ODAD2: variants seen among roughly 807,000 people sequenced by gnomAD.
ODAD2 encodes the protein outer dynein arm-docking complex subunit 2.
In ODAD2, 89 loss-of-function variants were observed where a neutral mutation model predicts 106.8. That is an observed-to-expected ratio of 0.83 (90% confidence interval 0.70 to 0.99). The LOEUF is 0.99. Among genes scored for constraint, ODAD2 ranks in the 50% least tolerant of loss-of-function variants. ODAD2 has a pLI of 0.00. For missense variants in ODAD2, 1,168 were observed against 1,238.5 expected, an observed-to-expected ratio of 0.94 and a Z score of 0.85; for synonymous variants, 404 against 436.2, an observed-to-expected ratio of 0.93 and a Z score of 0.92.
chr10:27,965,231 G>A (rs1243078646), intron 9 of ODAD2, among the ~76,000 whole-genome samples: 3 of 152,178 alleles, frequency 2.0e-5, no homozygotes, highest in African/African-American at 4.8e-5. Flanking sequence ...AGGAAAGGAG[G>A]TCTAATCTGA....
At chr10:27,984,994 A>T in intron 4 of ODAD2, 25 bp downstream of exon 4, 1 of 1,587,130 alleles carries the variant, frequency 6.3e-7, no homozygotes, top group African/African-American at 1.3e-5. Context: ...AATACAATAG[A>T]GGTTCCTTTT....
chr10:27,862,086 C>T (rs1305009984), intron 18 of ODAD2, among the ~76,000 whole-genome samples: 4 of 152,264 alleles, frequency 2.6e-5, no homozygotes, highest in East Asian at 1.9e-4. Flanking sequence ...TGATTTCTAA[C>T]GTTGGCATGA....
intron 16 of ODAD2, among the ~76,000 whole-genome samples, chr10:27,933,182 T>C (rs61049661): frequency 0.16 from 24,375 of 152,078 alleles, 2,960 homozygotes; most frequent in African/African-American, 0.34. Flanking sequence ...CCCATGAGTT[T>C]GAAGTTGCAG....
chr10:27,818,986 C>A (rs572189760), intron 19 of ODAD2, among the ~76,000 whole-genome samples: 4 of 152,284 alleles, frequency 2.6e-5, no homozygotes, highest in African/African-American at 9.6e-5. Flanking sequence ...CTTAACCCAA[C>A]CTTCTCATAT....
At chr10:27,848,943 C>T (rs1403058521) in intron 19 of ODAD2, among the ~76,000 whole-genome samples, 1 of 152,212 alleles carries the variant, frequency 6.6e-6, no homozygotes, top group Non-Finnish European at 1.5e-5. Flanking sequence ...AACACTTTTA[C>T]ACTGTTAGTG....
rs114439322 is a variant in ODAD2, at chr10:27,917,617, C to A, written c.2496-9840G>T. ...AAAGGTGAATAAAAATGGTAAACCA[C>A]TAAAGAAAGGTTGACAAACTTTTTC... On this transcript the variant is annotated intron_variant, in intron 16 of 19. Transcript: ENST00000305242. Among the ~76,000 whole-genome samples the A allele has an allele frequency of 5.7e-3, 861 of 151,990 alleles. 7 individuals carry two copies. Among genetic ancestry groups the A allele is most frequent in the African/African-American group, 0.02 (817 of 41,500 alleles).
At chr10:27,878,189 C>T (rs1841473059) in intron 17 of ODAD2, among the ~76,000 whole-genome samples, 1 of 152,014 alleles carries the variant, frequency 6.6e-6, no homozygotes, top group South Asian at 2.1e-4. Context: ...TATGAAATGC[C>T]TTTATAATGG....
At chr10:27,965,359 A>G (rs998483768) in intron 9 of ODAD2, among the ~76,000 whole-genome samples, 6 of 152,218 alleles carry the variant, frequency 3.9e-5, no homozygotes, top group African/African-American at 1.4e-4. Context: ...TGTCACTGAA[A>G]AGTTTCAATA....
intron 19 of ODAD2, among the ~76,000 whole-genome samples, chr10:27,817,337 T>G (rs1836218086): frequency 6.6e-6 from 1 of 152,220 alleles, no homozygotes; most frequent in African/African-American, 2.4e-5. Flanking sequence ...GTATAGACAG[T>G]TAAAATTCTT....
intron 19 of ODAD2, among the ~76,000 whole-genome samples, chr10:27,838,563 G>A (rs185550842): frequency 6.6e-6 from 1 of 152,228 alleles, no homozygotes; most frequent in East Asian, 1.9e-4. Context: ...TAGCAAAAGG[G>A]CCAAGTCGGA....
chr10:27,824,138 CAAAAAAAAAAAAA>C (rs71388934), intron 19 of ODAD2, among the ~76,000 whole-genome samples: 2 of 33,128 alleles, frequency 6.0e-5, no homozygotes, highest in African/African-American at 1.3e-4. Flanking sequence ...GACTCCGTCT[CAAAAAAAAAAAAA>C]AAAAAAAAAA....
At position 27,818,684 on chromosome 10, in the gene ODAD2, C is replaced by T. The variant is rs138901901; in HGVS notation, c.3022-6059G>A. On this transcript the variant is annotated intron_variant, in intron 19 of 19. Coordinates refer to ENST00000305242, the MANE Select transcript of ODAD2 (RefSeq NM_018076.5). ...TAGGAGGAGAATAGATTGCTAGCTA[C>T]AGCAACTCCACCTAATATCTACCTC... 6.0e-4 allele frequency among the ~76,000 whole-genome samples: 92 copies of T among 152,334 alleles called. 1 individual carries two copies. The highest frequency in any genetic ancestry group is 2.0e-3 in the African/African-American group (85 of 41,574).
At chr10:27,963,259 G>A (rs1460149586) in intron 9 of ODAD2, among the ~76,000 whole-genome samples, 4 of 151,970 alleles carry the variant, frequency 2.6e-5, no homozygotes, top group African/African-American at 7.2e-5. Flanking sequence ...CTCCCGTCTC[G>A]GCCTCCCAAA....
intron 16 of ODAD2, among the ~76,000 whole-genome samples, chr10:27,931,446 T>A (rs73606005): frequency 0.16 from 24,340 of 151,968 alleles, 2,952 homozygotes; most frequent in African/African-American, 0.34. Flanking sequence ...TGCCTTCTCA[T>A]CATCTACTTT....
At chr10:27,829,225 A>G (rs1029632943) in intron 19 of ODAD2, among the ~76,000 whole-genome samples, 3 of 152,232 alleles carry the variant, frequency 2.0e-5, no homozygotes, top group African/African-American at 7.2e-5. Context: ...GCTGGAAAGA[A>G]GAGCACAATT....
At chr10:27,985,383 T>C (rs1182959630) in intron 3 of ODAD2, among the ~76,000 whole-genome samples, 172 bp from the exon 4 acceptor site, 1 of 152,242 alleles carries the variant, frequency 6.6e-6, no homozygotes, top group East Asian at 1.9e-4. Flanking sequence ...TCCATTGCTT[T>C]TAGGAACTTT....
At chr10:27,869,986 C>T (rs1308459752) in intron 17 of ODAD2, among the ~76,000 whole-genome samples, 1 of 151,850 alleles carries the variant, frequency 6.6e-6, no homozygotes, top group Non-Finnish European at 1.5e-5. Flanking sequence ...AAATGACCTT[C>T]AAAGTAAAAT....
chr10:27,995,200 GAA>G lies in ODAD2; in HGVS notation c.-38-22_-38-21del, dbSNP rs752659072. ...CACGCACTACATCAGAGCAGAAAGAGAAAGAGACAACAGCGTCCACCTTTTCC... is the reference window on the plus strand; with the variant it reads ...CACGCACTACATCAGAGCAGAAAGAGAGAGACAACAGCGTCCACCTTTTCC... On this transcript the variant is annotated intron_variant, in intron 1 of 19. Coordinates refer to ENST00000305242, the MANE Select transcript of ODAD2 (RefSeq NM_018076.5). 1.3e-5 allele frequency: 21 copies of G among 1,587,932 alleles called. No individual in the cohort carries two copies. Among genetic ancestry groups the G allele is most frequent in the Admixed American group, 3.6e-5 (2 of 56,086 alleles).
chr10:27,910,714 G>A (rs960047896), intron 16 of ODAD2, among the ~76,000 whole-genome samples: 17 of 152,082 alleles, frequency 1.1e-4, no homozygotes, highest in Admixed American at 1.3e-4. Context: ...CCCAGATTGC[G>A]CCACTGCACT....
Sources: allele counts gnomAD v4.1 joint callset (sites outside exome capture counted in the v4.1 genomes callset), GRCh38; gene constraint gnomAD v4.1.1; transcripts MANE v1.5; gene names NCBI Gene and HGNC (gene_info 2026-07-23, HGNC 2026-07-21).